MLPH: variants seen among roughly 807,000 people sequenced by gnomAD.
MLPH encodes the protein melanophilin, also known as exophilin-3.
In MLPH, 51 loss-of-function variants were observed where a neutral mutation model predicts 72.1. That is an observed-to-expected ratio of 0.71 (90% confidence interval 0.56 to 0.89). The LOEUF (loss-of-function observed/expected upper bound fraction) is 0.89, where lower values mean the gene tolerates loss of function less well. MLPH is among the 40% of genes least tolerant of loss of function. The pLI, the probability that MLPH is intolerant of heterozygous loss-of-function variation, is 0.00. For missense variants in MLPH, 743 were observed against 759.9 expected (o/e 0.98, Z 0.26); for synonymous variants, 301 against 310.1 (o/e 0.97, Z 0.31).
intron 13 of MLPH, 82 bp from the exon 14 acceptor site, chr2:237,549,139 G>T: frequency 7.6e-7 from 1 of 1,312,916 alleles, no homozygotes; most frequent in South Asian, 1.2e-5. Context: ...GAAGCTGGAA[G>T]AACAATAAGA....
At chr2:237,534,271 C>T (rs943153308) in intron 8 of MLPH, among the ~76,000 whole-genome samples, 19 of 152,244 alleles carry the variant, frequency 1.2e-4, no homozygotes, top group African/African-American at 4.6e-4. Flanking sequence ...GACACCATCA[C>T]AACCTTCCAG....
At position 237,490,393 on chromosome 2, in the gene MLPH, A is replaced by G. The variant is rs575632409; in HGVS notation, c.-25+2956A>G. Among the ~76,000 whole-genome samples the G allele has an allele frequency of 2.0e-5, 3 of 152,280 alleles. No homozygotes were observed. The East Asian group carries it at 5.8e-4, about 29-fold the overall frequency. ...ATGGGGGAGGGACAGATATCCAAGC[A>G]GCCTCTAGGACATTGGTTGTGATGC... On this transcript the variant is annotated intron_variant, in intron 1 of 15. Transcript: ENST00000264605.
intron 13 of MLPH, 123 bp downstream of exon 13, chr2:237,546,806 C>G (rs921464765): frequency 9.8e-6 from 8 of 813,740 alleles, no homozygotes; most frequent in Non-Finnish European, 1.7e-5. Context: ...ACCCACACAG[C>G]AATGCCCACA....
intron 2 of MLPH, among the ~76,000 whole-genome samples, chr2:237,504,461 AC>A (rs766786983): frequency 8.5e-5 from 13 of 152,062 alleles, no homozygotes; most frequent in Non-Finnish European, 1.9e-4. Flanking sequence ...CAGGTGATCC[AC>A]CCACCTTGGC....
chr2:237,514,414 T>C (rs1487820545), intron 4 of MLPH, among the ~76,000 whole-genome samples: 1 of 152,184 alleles, frequency 6.6e-6, no homozygotes, highest in Non-Finnish European at 1.5e-5. Flanking sequence ...AATTTCTTTA[T>C]GGCTAGTTTT....
Position 237,552,357 on chromosome 2 carries a change from G to T in MLPH, c.1696G>T (p.Asp566Tyr). The change falls in exon 15 of 16, where the codon GAT (aspartate) becomes TAT (tyrosine). Residue 566 changes from aspartate to tyrosine, a missense_variant. Physicochemically the swap from Asp to Tyr is radical, Grantham distance 160. Transcript: ENST00000264605. The part of the protein sequence containing the change: ...KSQGKDDDSF[D>Y]RKSVYRGSLT... ...CAAAGGTAAAGATGATGATTCTTTT[G>T]ATCGGAAATCAGTGTACCGAGGCTC... is the stretch of plus-strand genomic sequence containing the variant. 2 of 1,614,016 alleles carry T rather than the reference G, an allele frequency of 1.2e-6. No homozygotes were observed. The highest frequency in any genetic ancestry group is 2.2e-5 in the East Asian group (1 of 44,878).
chr2:237,498,667 G>A (rs1461631620), intron 2 of MLPH, among the ~76,000 whole-genome samples: 3 of 152,214 alleles, frequency 2.0e-5, no homozygotes, highest in East Asian at 1.9e-4. Flanking sequence ...GGGGAAGCCA[G>A]CACGTCTTGA....
chr2:237,511,423 T>C (rs2079902245), intron 4 of MLPH: 1 of 361,452 alleles, frequency 2.8e-6, no homozygotes, highest in South Asian at 2.3e-5. Context: ...AATTGGCTCC[T>C]TTTTATGTGA....
rs1559345115 is a variant in MLPH at position 237,510,936 on chromosome 2, A to C, written c.333-53A>C. On this transcript the variant is annotated intron_variant, in intron 3 of 15. Transcript: ENST00000264605. The surrounding 1 kb of genome is among the most constrained non-coding windows in gnomAD (Gnocchi z 4.4). ...GTGTGTGTGTGTGTGAGATTTATGC[A>C]GGCCTGTGTACAGCACTCAGGCAGT... is the stretch of plus-strand genomic sequence containing the variant. 1 of 1,529,952 alleles carries C rather than the reference A, an allele frequency of 6.5e-7. No homozygotes were observed. The highest frequency in any genetic ancestry group is 2.3e-5 in the East Asian group (1 of 44,250). 94.8% of individuals were successfully genotyped at this position (1,529,952 alleles called of 1,614,324 possible).
At chr2:237,522,461 C>A (rs1292698716) in intron 6 of MLPH, among the ~76,000 whole-genome samples, 1 of 116,430 alleles carries the variant, frequency 8.6e-6, no homozygotes, top group African/African-American at 3.5e-5. Context: ...ACACCTGCTA[C>A]AACTATAGTG....
chr2:237,520,148 T>TG, intron 6 of MLPH, 119 bp downstream of exon 6: 2 of 1,385,698 alleles, frequency 1.4e-6, no homozygotes, highest in Non-Finnish European at 2.0e-6. Flanking sequence ...CAGTCCCACC[T>TG]GGCTCCCAAG....
At position 237,521,423 on chromosome 2, in the gene MLPH, G is replaced by A. The variant is rs184216667; in HGVS notation, c.675+1394G>A. On this transcript the variant is annotated intron_variant, in intron 6 of 15. Transcript: ENST00000264605. ...TGAATAGCCCTCCTATTTTTCAGGT[G>A]TCTTGTTCATCCATCATTGATGTTA... Among the ~76,000 whole-genome samples, 583 of 152,274 alleles carry A rather than the reference G, an allele frequency of 3.8e-3. 2 individuals are homozygous for A. The highest frequency in any genetic ancestry group is 5.4e-3 in the Non-Finnish European group (365 of 68,018).
In MLPH at chr2:237,515,448, A is replaced by T. The variant is rs143355653; in HGVS notation, c.446-3091A>T. Among the ~76,000 whole-genome samples, 23 of 152,204 alleles carry T rather than the reference A, an allele frequency of 1.5e-4. 1 individual carries two copies. In the East Asian group the frequency reaches 3.7e-3, roughly 24 times the overall value. The stretch of plus-strand genomic sequence containing the variant: ...TTGTGCCTCTGGGAGTGAAAACCAC[A>T]AGGGAGGAGTTTCCTGCAGAGGGGC... On this transcript the variant is annotated intron_variant, in intron 4 of 15. Coordinates refer to ENST00000264605, the MANE Select transcript of MLPH (RefSeq NM_024101.7).
chr2:237,545,731 A>C (rs2080904826), intron 12 of MLPH: 5 of 1,100,858 alleles, frequency 4.5e-6, no homozygotes, highest in Non-Finnish European at 5.8e-6. Flanking sequence ...AAAAGAATGA[A>C]AGATGACCTT....
intron 6 of MLPH, among the ~76,000 whole-genome samples, chr2:237,524,123 C>T (rs11903073): frequency 0.17 from 25,280 of 151,456 alleles, 2,355 homozygotes; most frequent in African/African-American, 0.23. Context: ...TCCTCATTGA[C>T]AGGGGCTGGA....
chr2:237,518,017 G>A lies in MLPH; in HGVS notation c.446-522G>A, dbSNP rs1016769743. On this transcript the variant is annotated intron_variant, in intron 4 of 15. Transcript: ENST00000264605. ...TCGATTGATGGGTGGGTGCATGGAT[G>A]AAGGAGGGAGGGGTGGATGGGTGGG... 3 of 261,000 alleles carry A rather than the reference G, an allele frequency of 1.1e-5. No homozygotes were observed. The East Asian group carries it at 2.9e-4, about 25-fold the overall frequency. The allele number at this position is 261,000 out of a possible 1,614,324, so 16.2% of individuals were successfully genotyped here. A position where few individuals can be genotyped will look rare whatever the true frequency, so the allele number is the denominator to read the frequency against.
chr2:237,526,011 C>T lies in MLPH; in HGVS notation c.880+206C>T, dbSNP rs149415774. 2.0e-5 allele frequency among the ~76,000 whole-genome samples: 3 copies of T among 152,352 alleles called. No homozygotes were observed. In the East Asian group the frequency reaches 5.8e-4, roughly 29 times the overall value. On this transcript the variant is annotated intron_variant, in intron 7 of 15. Transcript: ENST00000264605. ...GACCGGGATGTGCGCTTCCCTGTAACTGTCAGAACTTCCAGCACAGGAGGT... is the reference window on the plus strand; with the variant it reads ...GACCGGGATGTGCGCTTCCCTGTAATTGTCAGAACTTCCAGCACAGGAGGT...
rs140135761 is a variant in MLPH, at chr2:237,534,753, C to A, written c.1104+106C>A. ...GGGAGAAGAGTTTCTTGAGATTTTG[C>A]TGTTTGTAAGGTTAAGTTCTGTGTG... On this transcript the variant is annotated intron_variant, in intron 9 of 15. Transcript: ENST00000264605. 8.1e-6 allele frequency: 8 copies of A among 993,310 alleles called. No individual in the cohort carries two copies. In the Admixed American group the frequency reaches 1.4e-4, roughly 17 times the overall value. The allele number at this position is 993,310 out of a possible 1,614,324, so 61.5% of individuals were successfully genotyped here.
Position 237,516,380 on chromosome 2 carries a change from C to T in MLPH, c.446-2159C>T, listed in dbSNP as rs532752500. ...CAGGAGGTCAGTGTGAGGAAGGAGC[C>T]CTGGGGGGCAGAGAAAGGAGAGGGG... On this transcript the variant is annotated intron_variant, in intron 4 of 15. Coordinates refer to ENST00000264605, the MANE Select transcript of MLPH (RefSeq NM_024101.7). Among the ~76,000 whole-genome samples, 188 of 152,264 alleles carry T rather than the reference C, an allele frequency of 1.2e-3. 1 individual carries two copies. Among genetic ancestry groups the T allele is most frequent in the Middle Eastern group, 3.4e-3 (1 of 294 alleles).
Sources: gnomAD v4.1 joint callset for allele counts (sites outside exome capture counted in the v4.1 genomes callset) on GRCh38, gnomAD v4.1.1 for gene constraint, Gnocchi (gnomAD v3.1) non-coding constraint, MANE v1.5 for transcripts, NCBI Gene and HGNC (gene_info 2026-07-23, HGNC 2026-07-21) for gene names.